Variants in TREM1 observed in about 807,000 individuals in gnomAD.
The protein encoded by TREM1 is triggering receptor expressed on myeloid cells 1, also known as triggering receptor expressed on monocytes 1.
Under a neutral mutation model 22.4 loss-of-function variants are expected in TREM1, and 16 were observed. The ratio of observed to expected loss-of-function variants is 0.71; its 90% CI spans 0.48 to 1.08. The LOEUF (loss-of-function observed/expected upper bound fraction) is 1.08. TREM1 is among the 50% of genes least tolerant of loss of function. The pLI is 0.00. For synonymous variants in TREM1, 110 were observed against 111.6 expected (o/e 0.99, Z 0.09); for missense variants, 283 against 282.9 (o/e 1.00, Z 0.00).
Position 41,282,646 on chromosome 6 carries a change from T to C in TREM1, c.155A>G (p.Gln52Arg). The C allele has an allele frequency of 1.2e-6, 2 of 1,614,258 alleles. No individual in the cohort carries two copies. Among genetic ancestry groups the C allele is most frequent in the Middle Eastern group, 1.6e-4 (1 of 6,062 alleles). Residue 52 changes from glutamine (Q) to arginine (R), a missense_variant, in exon 2 of 4, where the codon CAG becomes CGG. Coordinates refer to ENST00000244709, the MANE Select transcript of TREM1 (RefSeq NM_018643.5). ...GTCCCTTATTATCTGCCAAGCTTTC[T>C]GGCTGCTGGCAAACTTCTCTAGCGT... ...DYTLEKFASS[Q>R]KAWQIIRDGE...
chr6:41,279,536 G>A, intron 3 of TREM1: 1 of 985,282 alleles, frequency 1.0e-6, no homozygotes, highest in Non-Finnish European at 1.2e-6. Flanking sequence ...TTGACTCTTA[G>A]TAGATCATTC....
chr6:41,284,698 T>C (rs1768081431), intron 1 of TREM1, among the ~76,000 whole-genome samples: 1 of 152,018 alleles, frequency 6.6e-6, no homozygotes, highest in Admixed American at 6.5e-5. Flanking sequence ...TGGTGAAAAA[T>C]GACAAGTGCT....
chr6:41,282,412 CG>C lies in TREM1; in HGVS notation c.388del (p.Arg130AlafsTer4). 6.2e-7 allele frequency: 1 copy of C among 1,611,236 alleles called. No homozygotes were observed. Among genetic ancestry groups the C allele is most frequent in the Non-Finnish European group, 8.5e-7 (1 of 1,178,242 alleles). ...KEPHMLFDRI[R>X]LVVTKGFSGT... The stretch of plus-strand genomic sequence containing the variant: ...CCACTCACCCTTGGTCACCACCAAG[CG>C]GATGCGATCGAACAGCATGTGAGGC... On this transcript the variant is annotated frameshift_variant, in exon 2 of 4. Coordinates refer to ENST00000244709, the MANE Select transcript of TREM1 (RefSeq NM_018643.5). LOFTEE classifies it high-confidence loss of function.
At chr6:41,283,721 C>A (rs375681998) in intron 1 of TREM1, among the ~76,000 whole-genome samples, 2,745 of 147,494 alleles carry the variant, frequency 0.019, 39 homozygotes, top group Non-Finnish European at 0.029. Context: ...AAAAAAAAAA[C>A]ACACACACAC....
At chr6:41,276,255 C>T (rs367727533) in intron 3 of TREM1, 25 bp from the exon 4 acceptor site, 2 of 1,567,962 alleles carry the variant, frequency 1.3e-6, no homozygotes, top group East Asian at 2.2e-5. Context: ...AGGCTGAACG[C>T]TACTGCTGGC....
intron 1 of TREM1, among the ~76,000 whole-genome samples, chr6:41,286,359 A>G (rs1768167265): frequency 6.6e-6 from 1 of 152,150 alleles, no homozygotes. Flanking sequence ...TTATTCCCAT[A>G]CTAGGCTTTG....
At chr6:41,276,321 T>C in intron 3 of TREM1, 91 bp from the exon 4 acceptor site, 1 of 889,106 alleles carries the variant, frequency 1.1e-6, no homozygotes, top group Non-Finnish European at 1.8e-6. Context: ...TGTCCCACTC[T>C]CCTCTGCTTA....
rs907061606 is a variant in TREM1, at chr6:41,274,542, G to A, written c.*1583C>T. Among the ~76,000 whole-genome samples the A allele has an allele frequency of 2.0e-5, 3 of 152,020 alleles. No individual in the cohort carries two copies. Among genetic ancestry groups the A allele is most frequent in the African/African-American group, 7.3e-5 (3 of 41,358 alleles). ...TACAGTCACTGCCTCTGAGCTGCTT[G>A]GTTCTTTTAGGTAGGAAAATAAATG... On this transcript the variant is annotated 3_prime_UTR_variant, in exon 4 of 4. Transcript: ENST00000244709.
At chr6:41,279,206 G>T (rs1767796279) in intron 3 of TREM1, among the ~76,000 whole-genome samples, 1 of 152,170 alleles carries the variant, frequency 6.6e-6, no homozygotes, top group South Asian at 2.1e-4. Context: ...CAAACCAAAT[G>T]CTTCATCCAG....
chr6:41,274,125 A>G lies in TREM1; in HGVS notation c.*2000T>C, dbSNP rs1429498365. Among the ~76,000 whole-genome samples the G allele has an allele frequency of 6.6e-6, 1 of 152,228 alleles. No individual in the cohort carries two copies. The highest frequency in any genetic ancestry group is 1.5e-5 in the Non-Finnish European group (1 of 68,038). ...ATAACACTTGATCTATAATAAGTTAAGCACACAAGCATGCACTGGACCATG... is the reference window on the plus strand; with the variant it reads ...ATAACACTTGATCTATAATAAGTTAGGCACACAAGCATGCACTGGACCATG... On this transcript the variant is annotated 3_prime_UTR_variant, in exon 4 of 4. Coordinates refer to ENST00000244709, the MANE Select transcript of TREM1 (RefSeq NM_018643.5).
In TREM1 at chr6:41,273,641, A is replaced by G. The variant is rs557169720; in HGVS notation, c.*2484T>C. ...TGAGGAGCATTTAATAAACATGTGCATAGAATTTAGGGAATCCAGTAAGGG... is the reference window on the plus strand; with the variant it reads ...TGAGGAGCATTTAATAAACATGTGCGTAGAATTTAGGGAATCCAGTAAGGG... On this transcript the variant is annotated 3_prime_UTR_variant, in exon 4 of 4. Coordinates refer to ENST00000244709, the MANE Select transcript of TREM1 (RefSeq NM_018643.5). Among the ~76,000 whole-genome samples, 2 of 152,352 alleles carry G rather than the reference A, an allele frequency of 1.3e-5. No individual in the cohort carries two copies. The highest frequency in any genetic ancestry group is 1.9e-4 in the East Asian group (1 of 5,190).
intron 3 of TREM1, 131 bp downstream of exon 3, chr6:41,280,830 G>C: frequency 2.0e-6 from 3 of 1,524,554 alleles, no homozygotes; most frequent in South Asian, 1.3e-5. Context: ...TTTCTACCCA[G>C]ACTAATGTGA....
At chr6:41,284,618 T>C (rs989734029) in intron 1 of TREM1, among the ~76,000 whole-genome samples, 1 of 152,166 alleles carries the variant, frequency 6.6e-6, no homozygotes, top group Non-Finnish European at 1.5e-5. Flanking sequence ...TGCTGCTGGG[T>C]CTACTGTGTG....
chr6:41,272,066 G>A (rs767161932), downstream of TREM1, among the ~76,000 whole-genome samples: 1 of 152,140 alleles, frequency 6.6e-6, no homozygotes, highest in Non-Finnish European at 1.5e-5. Context: ...CCCCACATAC[G>A]CGGTCACCAT....
At position 41,275,890 on chromosome 6, in the gene TREM1, C is replaced by A. The variant is rs1581625072; in HGVS notation, c.*235G>T. 3 of 555,652 alleles carry A rather than the reference C, an allele frequency of 5.4e-6. No individual in the cohort carries two copies. Among genetic ancestry groups the A allele is most frequent in the Admixed American group, 3.1e-5 (1 of 32,226 alleles). The allele number at this position is 555,652 out of a possible 1,614,324, so 34.4% of individuals were successfully genotyped here. On this transcript the variant is annotated 3_prime_UTR_variant, in exon 4 of 4. Transcript: ENST00000244709. ...CCCAAGTGGCTGGTGGAATGAAGGA[C>A]CAAGCATGTTTGGGGCTGTAACTTC...
intron 3 of TREM1, chr6:41,280,323 T>C: frequency 1.0e-6 from 1 of 985,242 alleles, no homozygotes; most frequent in Non-Finnish European, 1.2e-6. Flanking sequence ...GCCTACACAT[T>C]AGAAATCTCC....
intron 1 of TREM1, among the ~76,000 whole-genome samples, chr6:41,283,719 A>AACACACACACAC (rs60544893): frequency 6.8e-6 from 1 of 146,940 alleles, no homozygotes; most frequent in African/African-American, 2.5e-5. Context: ...TAAAAAAAAA[A>AACACACACACAC]ACACACACAC....
rs1359163072 is a variant in TREM1, at chr6:41,283,642, G to A, written c.50-891C>T. Among the ~76,000 whole-genome samples, 3 of 151,970 alleles carry A rather than the reference G, an allele frequency of 2.0e-5. No homozygotes were observed. The South Asian group carries it at 6.2e-4, about 31-fold the overall frequency. On this transcript the variant is annotated intron_variant, in intron 1 of 3. Transcript: ENST00000244709. ...TGGGAGAATCACTTGAACCCGGGAG[G>A]TGGAGGTTACAGTGAGCCAAGATCA...
intron 1 of TREM1, among the ~76,000 whole-genome samples, chr6:41,284,492 G>A (rs577613196): frequency 1.3e-5 from 2 of 152,286 alleles, no homozygotes; most frequent in Non-Finnish European, 1.5e-5. Flanking sequence ...AGAAGACCAA[G>A]GTCCGTGTTT....
Sources: allele counts gnomAD v4.1 joint callset (sites outside exome capture counted in the v4.1 genomes callset), GRCh38; gene constraint gnomAD v4.1.1; transcripts MANE v1.5; gene names NCBI Gene and HGNC (gene_info 2026-07-23, HGNC 2026-07-21).